The following CHSY3 variants were observed in gnomAD, a reference collection of about 807,000 sequenced individuals.
The protein encoded by CHSY3 is N-acetylgalactosaminyl-proteoglycan 3-beta-glucuronosyltransferase 3.
A neutral mutation model predicts 67.2 loss-of-function variants in CHSY3; 35 were observed. The ratio of observed to expected loss-of-function variants is 0.52; its 90% CI spans 0.40 to 0.69. The LOEUF (loss-of-function observed/expected upper bound fraction) is 0.69. Among genes scored for constraint, CHSY3 ranks in the 30% least tolerant of loss-of-function variants. The pLI, the probability that CHSY3 is intolerant of heterozygous loss-of-function variation, is 0.00. For synonymous variants in CHSY3, 474 were observed against 434.7 expected, an observed-to-expected ratio of 1.09 and a Z score of -1.12; for missense variants, 1,069 against 1,138.5, an observed-to-expected ratio of 0.94 and a Z score of 0.88.
rs139234906 is a variant in CHSY3 at position 129,961,921 on chromosome 5, A to G, written c.1086+53561A>G. Among the ~76,000 whole-genome samples the G allele has an allele frequency of 4.3e-3, 657 of 152,056 alleles. 8 individuals carry two copies. The highest frequency in any genetic ancestry group is 0.016 in the African/African-American group (644 of 41,490). On this transcript the variant is annotated intron_variant, in intron 2 of 2. Coordinates refer to ENST00000305031, the MANE Select transcript of CHSY3 (RefSeq NM_175856.5). ...GGTGACTCTACTCCTTCCATCCAGAAGAAAATAAAAGTCATTTGGGAACTC... is the reference window on the plus strand; with the variant it reads ...GGTGACTCTACTCCTTCCATCCAGAGGAAAATAAAAGTCATTTGGGAACTC...
At chr5:130,065,379 A>T (rs1432198935) in intron 2 of CHSY3, among the ~76,000 whole-genome samples, 2 of 152,126 alleles carry the variant, frequency 1.3e-5, no homozygotes, top group Non-Finnish European at 2.9e-5. Flanking sequence ...AAAACAAAAC[A>T]AAAAACGACT....
chr5:130,071,657 T>C (rs1766075053), intron 2 of CHSY3, among the ~76,000 whole-genome samples: 1 of 151,902 alleles, frequency 6.6e-6, no homozygotes, highest in Non-Finnish European at 1.5e-5. Context: ...CTATTGTGAA[T>C]AATGCTGAAA....
At chr5:130,077,160 G>C (rs1018478608) in intron 2 of CHSY3, among the ~76,000 whole-genome samples, 1 of 151,648 alleles carries the variant, frequency 6.6e-6, no homozygotes, top group Non-Finnish European at 1.5e-5. Flanking sequence ...CTACGAAAGA[G>C]AGTGACAAGT....
At chr5:129,989,472 C>T (rs1763298767) in intron 2 of CHSY3, among the ~76,000 whole-genome samples, 2 of 152,000 alleles carry the variant, frequency 1.3e-5, no homozygotes, top group African/African-American at 4.8e-5. Flanking sequence ...AAGGAAACCA[C>T]TCCCATGGTT....
intron 2 of CHSY3, among the ~76,000 whole-genome samples, chr5:130,171,617 T>G (rs1209656777): frequency 1.3e-5 from 2 of 152,194 alleles, no homozygotes; most frequent in East Asian, 3.8e-4. Context: ...TGAGAAATCT[T>G]TATCACATAT....
At chr5:130,094,699 G>A (rs1766989371) in intron 2 of CHSY3, among the ~76,000 whole-genome samples, 1 of 152,122 alleles carries the variant, frequency 6.6e-6, no homozygotes, top group Non-Finnish European at 1.5e-5. Context: ...CCATTAGGAA[G>A]TGGCAGGGGG....
chr5:130,053,924 T>A (rs760885566), intron 2 of CHSY3, among the ~76,000 whole-genome samples: 9 of 152,166 alleles, frequency 5.9e-5, no homozygotes, highest in African/African-American at 1.2e-4. Flanking sequence ...CAAGATATGT[T>A]TATTTTACTC....
chr5:130,081,059 C>T (rs982993250), intron 2 of CHSY3, among the ~76,000 whole-genome samples: 1 of 152,014 alleles, frequency 6.6e-6, no homozygotes, highest in Non-Finnish European at 1.5e-5. Flanking sequence ...GAAGAACATA[C>T]AATGGCTGGG....
chr5:130,178,253 A>ATATATATATATATTTT (rs1205782386), intron 2 of CHSY3, among the ~76,000 whole-genome samples: 5 of 45,904 alleles, frequency 1.1e-4, no homozygotes, highest in African/African-American at 4.1e-4. Context: ...ATATATATAT[A>ATATATATATATATTTT]TTTTTTTTTT....
intron 2 of CHSY3, among the ~76,000 whole-genome samples, chr5:130,063,062 G>A (rs1393373647): frequency 6.6e-6 from 1 of 151,828 alleles, no homozygotes; most frequent in East Asian, 1.9e-4. Context: ...AGTAGAATTT[G>A]GTCTTCTATA....
Position 130,045,641 on chromosome 5 carries a change from C to G in CHSY3, c.1086+137281C>G, listed in dbSNP as rs35382720. Among the ~76,000 whole-genome samples the G allele has an allele frequency of 5.0e-3, 763 of 152,196 alleles. 6 individuals are homozygous for G. The highest frequency in any genetic ancestry group is 0.012 in the Admixed American group (178 of 15,266). ...TTATCTGATGTAGATTTGGTGCTCT[C>G]TATGGGAGTACGTGGGGATGCCATT... On this transcript the variant is annotated intron_variant, in intron 2 of 2. Transcript: ENST00000305031.
intron 2 of CHSY3, among the ~76,000 whole-genome samples, chr5:130,048,671 C>G (rs1326976645): frequency 6.6e-6 from 1 of 151,998 alleles, no homozygotes. Flanking sequence ...GCATCTTTCT[C>G]CACTTCTCTC....
chr5:129,919,942 A>G (rs1419992576), intron 2 of CHSY3, among the ~76,000 whole-genome samples: 1 of 151,966 alleles, frequency 6.6e-6, no homozygotes, highest in East Asian at 1.9e-4. Context: ...ATATTTGACA[A>G]TTTTTTCTGA....
In CHSY3 at chr5:130,184,462, C is replaced by G. The variant is rs1770347776; in HGVS notation, c.1320C>G (p.Ser440Arg). ...LMSKLSNTEV[S>R]KEDQQLGVIP... is the part of the protein sequence containing the mutation. ...GCAAGCTCAGTAACACAGAAGTGAG[C>G]AAAGAGGACCAGCAGCTGGGAGTGA... is the stretch of plus-strand genomic sequence containing the variant. The change falls in exon 3 of 3, where the codon AGC becomes AGG. Residue 440 changes from serine to arginine, a missense_variant. Transcript: ENST00000305031. 3.7e-6 allele frequency: 6 copies of G among 1,613,298 alleles called. No homozygotes were observed. Among genetic ancestry groups the G allele is most frequent in the African/African-American group, 1.3e-5 (1 of 74,898 alleles).
chr5:130,160,193 A>G (rs1769490011), intron 2 of CHSY3, among the ~76,000 whole-genome samples: 1 of 152,188 alleles, frequency 6.6e-6, no homozygotes, highest in East Asian at 1.9e-4. Flanking sequence ...AATTGGAACC[A>G]CAGATTTACC....
intron 2 of CHSY3, among the ~76,000 whole-genome samples, chr5:129,996,668 C>A (rs1763548335): frequency 6.6e-6 from 1 of 152,096 alleles, no homozygotes; most frequent in Non-Finnish European, 1.5e-5. Context: ...CCTTCTAAAT[C>A]AGGCTGAGTG....
intron 2 of CHSY3, among the ~76,000 whole-genome samples, chr5:130,030,654 T>A (rs1433904290): frequency 1.3e-5 from 2 of 152,174 alleles, no homozygotes; most frequent in Non-Finnish European, 2.9e-5. Flanking sequence ...TAATTTAATG[T>A]GTTTAATTCC....
chr5:130,024,361 G>T (rs992050741), intron 2 of CHSY3, among the ~76,000 whole-genome samples: 13 of 151,942 alleles, frequency 8.6e-5, no homozygotes, highest in Admixed American at 2.0e-4. Flanking sequence ...TTTAAATATA[G>T]AAGCCCATTG....
intron 2 of CHSY3, among the ~76,000 whole-genome samples, chr5:129,919,978 G>C (rs1760864755): frequency 6.6e-6 from 1 of 152,052 alleles, no homozygotes; most frequent in Non-Finnish European, 1.5e-5. Context: ...TTTACTCTTA[G>C]TTATGTTGAA....
Sources: gnomAD v4.1 joint callset for allele counts (sites outside exome capture counted in the v4.1 genomes callset) on GRCh38, gnomAD v4.1.1 for gene constraint, MANE v1.5 for transcripts, NCBI Gene and HGNC (gene_info 2026-07-23, HGNC 2026-07-21) for gene names.